The following EBF1 variants were observed in gnomAD, a reference collection of about 807,000 sequenced individuals.
EBF1 encodes the protein EBF transcription factor 1.
A neutral mutation model predicts 68.4 loss-of-function variants in EBF1; 10 were observed. The observed-to-expected ratio is 0.15, with a 90% CI of 0.09 to 0.25. EBF1 has a LOEUF of 0.25. Ranked by LOEUF, EBF1 falls within the 10% of genes least tolerant of loss-of-function variation. The pLI is 1.00. For missense variants in EBF1, 509 were observed against 794.4 expected (o/e 0.64, Z 4.32); for synonymous variants, 298 against 299.8 (o/e 0.99, Z 0.06).
Position 158,801,100 on chromosome 5 carries a change from G to A in EBF1, c.779-4625C>T, listed in dbSNP as rs924464847. ...AAATCCCTTCCCCCACCCCTCACCAGCCACGAAAGTAGAGGAGATTTTCCT... is the reference window on the plus strand; with the variant it reads ...AAATCCCTTCCCCCACCCCTCACCAACCACGAAAGTAGAGGAGATTTTCCT... On this transcript the variant is annotated intron_variant, in intron 8 of 15. Coordinates refer to ENST00000313708, the MANE Select transcript of EBF1 (RefSeq NM_024007.5). 3.3e-5 allele frequency among the ~76,000 whole-genome samples: 5 copies of A among 151,996 alleles called. No individual in the cohort carries two copies. In the East Asian group the frequency reaches 9.7e-4, roughly 29 times the overall value.
intron 6 of EBF1, among the ~76,000 whole-genome samples, chr5:158,853,548 C>A (rs1793389160): frequency 1.3e-5 from 2 of 152,092 alleles, no homozygotes; most frequent in Non-Finnish European, 1.5e-5. Context: ...GAAAAGTGAG[C>A]TTTCATAGGT....
intron 8 of EBF1, 38 bp downstream of exon 8, chr5:158,823,138 A>G (rs775332905): frequency 1.9e-6 from 3 of 1,613,344 alleles, no homozygotes. Context: ...ATTCACAGTT[A>G]AAGTAGCAAT....
chr5:158,828,140 T>C (rs890923664), intron 7 of EBF1, among the ~76,000 whole-genome samples: 1 of 152,144 alleles, frequency 6.6e-6, no homozygotes, highest in African/African-American at 2.4e-5. Flanking sequence ...TGAAGTACAC[T>C]AAATGAAAAG....
At chr5:158,773,411 G>A (rs560946326) in intron 10 of EBF1, among the ~76,000 whole-genome samples, 75 of 152,244 alleles carry the variant, frequency 4.9e-4, no homozygotes, top group South Asian at 1.0e-3. Flanking sequence ...ACAGGAACAG[G>A]AAATTGGGTG....
intron 11 of EBF1, among the ~76,000 whole-genome samples, chr5:158,725,549 TAAC>T (rs1266624897): frequency 6.6e-6 from 1 of 152,248 alleles, no homozygotes; most frequent in Non-Finnish European, 1.5e-5. Context: ...TGTGTTGCCA[TAAC>T]AACATGAAGA....
intron 6 of EBF1, among the ~76,000 whole-genome samples, chr5:159,021,011 C>T (rs567522559): frequency 2.0e-5 from 3 of 152,360 alleles, no homozygotes; most frequent in African/African-American, 7.2e-5. Flanking sequence ...CGAGAAGACT[C>T]GCTCCGGGGT....
intron 7 of EBF1, among the ~76,000 whole-genome samples, chr5:158,837,879 C>T (rs865912427): frequency 6.6e-6 from 1 of 152,130 alleles, no homozygotes; most frequent in Non-Finnish European, 1.5e-5. Context: ...CTGTTTCACG[C>T]CCAGCTATAC....
At chr5:159,003,296 A>G (rs1407265495) in intron 6 of EBF1, among the ~76,000 whole-genome samples, 14 of 152,216 alleles carry the variant, frequency 9.2e-5, no homozygotes, top group Non-Finnish European at 1.5e-5. Context: ...CAAGCTGATG[A>G]ACATGCAGTG....
intron 6 of EBF1, among the ~76,000 whole-genome samples, chr5:158,973,036 A>G (rs2127567250): frequency 6.6e-6 from 1 of 151,978 alleles, no homozygotes; most frequent in South Asian, 2.1e-4. Flanking sequence ...ATATTTCTTC[A>G]CCCTATTTCC....
At chr5:158,859,991 G>A (rs546092550) in intron 6 of EBF1, among the ~76,000 whole-genome samples, 28 of 152,232 alleles carry the variant, frequency 1.8e-4, no homozygotes, top group African/African-American at 4.6e-4. Flanking sequence ...ATACATCACC[G>A]TTTGGTGAAT....
At chr5:158,799,378 C>T (rs1201052584) in intron 8 of EBF1, among the ~76,000 whole-genome samples, 3 of 151,984 alleles carry the variant, frequency 2.0e-5, no homozygotes, top group African/African-American at 7.3e-5. Context: ...GCTATGACTG[C>T]ACCACTGTAC....
chr5:159,006,752 T>TACCCA (rs1380367778), intron 6 of EBF1, among the ~76,000 whole-genome samples: 1 of 147,326 alleles, frequency 6.8e-6, no homozygotes, highest in Non-Finnish European at 1.5e-5. Context: ...CACTTAATTA[T>TACCCA]ACCCAACTAT....
intron 3 of EBF1, 107 bp downstream of exon 3, chr5:159,096,236 C>T: frequency 2.5e-6 from 3 of 1,217,020 alleles, no homozygotes; most frequent in Admixed American, 2.4e-5. Flanking sequence ...TCAAATAAAG[C>T]GGATGACTGA....
chr5:159,002,299 T>C (rs1008355703), intron 6 of EBF1, among the ~76,000 whole-genome samples: 3 of 152,200 alleles, frequency 2.0e-5, no homozygotes, highest in Admixed American at 6.5e-5. Flanking sequence ...ACTGGCTGCC[T>C]TTCTAATTCT....
intron 10 of EBF1, among the ~76,000 whole-genome samples, chr5:158,776,610 T>C (rs941877540): frequency 6.6e-6 from 1 of 152,144 alleles, no homozygotes; most frequent in Non-Finnish European, 1.5e-5. Context: ...CAAGGATGAC[T>C]GACACTAAGC....
At chr5:158,763,059 G>A (rs897186316) in intron 10 of EBF1, among the ~76,000 whole-genome samples, 1 of 152,152 alleles carries the variant, frequency 6.6e-6, no homozygotes. Context: ...CATCTTGCAA[G>A]TATTTCTCTC....
At chr5:158,823,346 C>T (rs1291040130) in intron 7 of EBF1, 29 bp from the exon 8 acceptor site, 1 of 1,586,134 alleles carries the variant, frequency 6.3e-7, no homozygotes, top group African/African-American at 1.4e-5. Context: ...AATGAATGAA[C>T]ATTTTAATAT....
intron 9 of EBF1, among the ~76,000 whole-genome samples, chr5:158,787,734 A>G (rs1361960866): frequency 6.6e-6 from 1 of 152,170 alleles, no homozygotes; most frequent in Non-Finnish European, 1.5e-5. Flanking sequence ...GTTATCTGAT[A>G]GTTTATTACA....
At chr5:158,816,214 T>C (rs1377532834) in intron 8 of EBF1, among the ~76,000 whole-genome samples, 2 of 152,248 alleles carry the variant, frequency 1.3e-5, no homozygotes, top group Non-Finnish European at 2.9e-5. Flanking sequence ...TGTACATTTC[T>C]GTCAGGAAGC....
Sources: allele counts gnomAD v4.1 joint callset (sites outside exome capture counted in the v4.1 genomes callset), GRCh38; gene constraint gnomAD v4.1.1; transcripts MANE v1.5; gene names NCBI Gene and HGNC (gene_info 2026-07-23, HGNC 2026-07-21).